RBFOX1: variants seen among roughly 807,000 people sequenced by gnomAD.
RBFOX1 encodes RNA binding protein fox-1 homolog 1.
In RBFOX1, 8 loss-of-function variants were observed where a neutral mutation model predicts 57.7. The ratio of observed to expected loss-of-function variants is 0.14; its 90% CI spans 0.08 to 0.25. The LOEUF is 0.25. Among genes scored for constraint, RBFOX1 ranks in the 10% least tolerant of loss-of-function variants. The probability of loss-of-function intolerance (pLI) is 1.00; values close to 1 mark genes in which losing one functional copy is unlikely to be tolerated. For missense variants in RBFOX1, 611 were observed against 548.5 expected (o/e 1.11, Z -1.14); for synonymous variants, 326 against 222.4 (o/e 1.47, Z -4.15).
intron 3 of RBFOX1, among the ~76,000 whole-genome samples, chr16:6,985,561 C>T (rs1238369951): frequency 6.6e-6 from 1 of 152,200 alleles, no homozygotes; most frequent in Non-Finnish European, 1.5e-5. Flanking sequence ...GGAGCAGTGG[C>T]TCACGCCTGT....
At chr16:7,710,168 T>A (rs1256733055) in intron 15 of RBFOX1, 4 of 1,029,198 alleles carry the variant, frequency 3.9e-6, no homozygotes, top group Non-Finnish European at 4.6e-6. Context: ...CCATACAGCT[T>A]ACAGAGCCAA....
At chr16:6,355,604 T>G (rs942293834) in intron 2 of RBFOX1, among the ~76,000 whole-genome samples, 1 of 152,222 alleles carries the variant, frequency 6.6e-6, no homozygotes, top group Non-Finnish European at 1.5e-5. Flanking sequence ...TACATGTGCA[T>G]ATGCCTTTAT....
intron 3 of RBFOX1, among the ~76,000 whole-genome samples, chr16:6,801,637 G>A (rs1219296301): frequency 6.6e-6 from 1 of 151,928 alleles, no homozygotes. Flanking sequence ...CAGCTAATTG[G>A]GCAGGAAAGG....
intron 4 of RBFOX1, among the ~76,000 whole-genome samples, chr16:7,481,534 G>T (rs2063936503): frequency 6.6e-6 from 1 of 152,126 alleles, no homozygotes; most frequent in South Asian, 2.1e-4. Flanking sequence ...TTGCTGCTAG[G>T]CTGATTTGAA....
At chr16:5,815,156 A>ATTTTTTT (rs71142650) in intron 3 of RBFOX1, among the ~76,000 whole-genome samples, 72 of 114,214 alleles carry the variant, frequency 6.3e-4, no homozygotes, top group African/African-American at 1.2e-3. Context: ...ATTTAATTTA[A>ATTTTTTT]TTTTTTTTTT....
chr16:5,586,378 G>A (rs1025961401), intron 2 of RBFOX1, among the ~76,000 whole-genome samples: 3 of 152,120 alleles, frequency 2.0e-5, no homozygotes, highest in African/African-American at 7.2e-5. Flanking sequence ...GCCAAATTTG[G>A]AGACCACTGC....
rs190416763 is a variant in RBFOX1, at chr16:7,178,263, C to T, written c.27+126165C>T. Among the ~76,000 whole-genome samples, 12 of 152,346 alleles carry T rather than the reference C, an allele frequency of 7.9e-5. No individual in the cohort carries two copies. In the East Asian group the frequency reaches 1.4e-3, roughly 17 times the overall value. On this transcript the variant is annotated intron_variant, in intron 4 of 15. Coordinates refer to ENST00000550418, the MANE Select transcript of RBFOX1 (RefSeq NM_018723.4). ...TTTGTCAGAGGCACTATCAGCCTGT[C>T]GCTTTAGTTTCTGCAACACACAGCC...
chr16:5,549,237 G>C (rs1286528612), intron 2 of RBFOX1, among the ~76,000 whole-genome samples: 1 of 152,174 alleles, frequency 6.6e-6, no homozygotes. Flanking sequence ...GCATCTGGGA[G>C]AGCCTGGGAG....
At chr16:7,701,346 C>T (rs1166376705) in intron 14 of RBFOX1, among the ~76,000 whole-genome samples, 2 of 152,158 alleles carry the variant, frequency 1.3e-5, no homozygotes, top group African/African-American at 4.8e-5. Flanking sequence ...CAGCCGCCCC[C>T]TCTCACTCAC....
intron 3 of RBFOX1, among the ~76,000 whole-genome samples, chr16:5,792,710 G>A (rs867502357): frequency 7.2e-5 from 11 of 152,122 alleles, no homozygotes; most frequent in South Asian, 2.1e-4. Context: ...GGGCATGGTG[G>A]CATGTGCCTG....
At chr16:7,229,397 G>A (rs1007424762) in intron 4 of RBFOX1, among the ~76,000 whole-genome samples, 5 of 152,076 alleles carry the variant, frequency 3.3e-5, no homozygotes, top group Non-Finnish European at 7.4e-5. Flanking sequence ...CCCTATAAAG[G>A]ATAGACAGAA....
chr16:5,829,778 C>A (rs1343484713), intron 3 of RBFOX1, among the ~76,000 whole-genome samples: 1 of 152,164 alleles, frequency 6.6e-6, no homozygotes, highest in African/African-American at 2.4e-5. Flanking sequence ...CCCCAAAGGC[C>A]TTTGAATGCC....
At chr16:5,330,863 TGC>T (rs1425955773) in intron 1 of RBFOX1, among the ~76,000 whole-genome samples, 1 of 152,172 alleles carries the variant, frequency 6.6e-6, no homozygotes, top group Non-Finnish European at 1.5e-5. Flanking sequence ...ATTTCTCCAT[TGC>T]CTGTGTACTC....
At chr16:6,487,320 T>C (rs993280515) in intron 2 of RBFOX1, among the ~76,000 whole-genome samples, 62 of 152,276 alleles carry the variant, frequency 4.1e-4, no homozygotes, top group Admixed American at 2.0e-3. Context: ...CAATTTTTCC[T>C]GCTCCATAAA....
At position 7,041,754 on chromosome 16, in the gene RBFOX1, C is replaced by G. The variant is rs543868903; in HGVS notation, c.-15-10303C>G. On this transcript the variant is annotated intron_variant, in intron 3 of 15. Coordinates refer to ENST00000550418, the MANE Select transcript of RBFOX1 (RefSeq NM_018723.4). ...GGGGAACAAAGCCAGGATTTGGACCCAAGTCATTTGACCCAGTGCTTCTTG... is the reference window on the plus strand; with the variant it reads ...GGGGAACAAAGCCAGGATTTGGACCGAAGTCATTTGACCCAGTGCTTCTTG... Among the ~76,000 whole-genome samples the G allele has an allele frequency of 3.9e-5, 6 of 152,270 alleles. No individual in the cohort carries two copies. In the South Asian group the frequency reaches 1.2e-3, roughly 32 times the overall value.
intron 4 of RBFOX1, among the ~76,000 whole-genome samples, chr16:5,878,432 A>T (rs748898543): frequency 6.6e-6 from 1 of 152,124 alleles, no homozygotes; most frequent in Non-Finnish European, 1.5e-5. Flanking sequence ...TATGGGACCC[A>T]CTCAGGGCCA....
At chr16:5,744,689 A>C (rs1365497486) in intron 3 of RBFOX1, among the ~76,000 whole-genome samples, 1 of 152,236 alleles carries the variant, frequency 6.6e-6, no homozygotes, top group African/African-American at 2.4e-5. Context: ...GGCTTTTGCC[A>C]CCTGAATCAG....
At chr16:6,880,031 C>A (rs2062611070) in intron 3 of RBFOX1, among the ~76,000 whole-genome samples, 7 of 152,172 alleles carry the variant, frequency 4.6e-5, no homozygotes, top group Admixed American at 4.6e-4. Flanking sequence ...GCCTCTGTTT[C>A]CTCCATCCAT....
At chr16:5,368,395 T>A (rs474399) in intron 1 of RBFOX1, among the ~76,000 whole-genome samples, 1 of 152,098 alleles carries the variant, frequency 6.6e-6, no homozygotes, top group African/African-American at 2.4e-5. Context: ...ACCTAACCAA[T>A]GTGGGTTTTC....
Sources: allele counts gnomAD v4.1 joint callset (sites outside exome capture counted in the v4.1 genomes callset), GRCh38; gene constraint gnomAD v4.1.1; transcripts MANE v1.5; gene names NCBI Gene and HGNC (gene_info 2026-07-23, HGNC 2026-07-21).